The following CAMSAP1 variants were observed in gnomAD, a reference collection of about 807,000 sequenced individuals.
CAMSAP1 encodes the protein calmodulin-regulated spectrin-associated protein 1.
CAMSAP1 carries 58 observed loss-of-function variants against 143.5 expected under a neutral mutation model. That is an observed-to-expected ratio of 0.40 (90% CI 0.33 to 0.50). CAMSAP1 has a LOEUF of 0.50. Among genes scored for constraint, CAMSAP1 ranks in the 20% least tolerant of loss-of-function variants. CAMSAP1 has a pLI of 0.45. For missense variants in CAMSAP1, 1,969 were observed against 2,115.7 expected, an observed-to-expected ratio of 0.93 and a Z score of 1.36; for synonymous variants, 945 against 859.3, an observed-to-expected ratio of 1.10 and a Z score of -1.74.
intron 7 of CAMSAP1, among the ~76,000 whole-genome samples, chr9:135,838,239 T>G (rs1836180377): frequency 6.8e-6 from 1 of 147,392 alleles, no homozygotes; most frequent in Non-Finnish European, 1.5e-5. Context: ...CATCACGCAC[T>G]TTCCACCCAT....
chr9:135,824,307 T>A lies in CAMSAP1; in HGVS notation c.1316-273A>T, dbSNP rs1835593781. On this transcript the variant is annotated intron_variant, in intron 9 of 16. Transcript: ENST00000389532. The surrounding 1 kb of genome is among the most constrained non-coding windows in gnomAD (Gnocchi z 4.1). Reference sequence around the variant, plus strand: ...AGAAGGTAATTGCTCTCAACGATATTTTCACTGCAAGACTATACATTTTGA... The same window carrying A: ...AGAAGGTAATTGCTCTCAACGATATATTCACTGCAAGACTATACATTTTGA... 6.6e-6 allele frequency among the ~76,000 whole-genome samples: 1 copy of A among 152,212 alleles called. No homozygotes were observed. Among genetic ancestry groups the A allele is most frequent in the African/African-American group, 2.4e-5 (1 of 41,436 alleles).
intron 1 of CAMSAP1, 149 bp from the exon 2 acceptor site, chr9:135,883,227 G>T: frequency 1.2e-6 from 1 of 815,740 alleles, no homozygotes; most frequent in Non-Finnish European, 1.9e-6. Flanking sequence ...TTGATTGATT[G>T]ATTAAATGAG....
At chr9:135,833,517 G>T (rs145563564) in intron 7 of CAMSAP1, among the ~76,000 whole-genome samples, 1 of 151,854 alleles carries the variant, frequency 6.6e-6, no homozygotes, top group Non-Finnish European at 1.5e-5. Flanking sequence ...TGAGGTATAC[G>T]GTTAACTAAT....
At chr9:135,856,387 C>A (rs1836972836) in intron 5 of CAMSAP1, among the ~76,000 whole-genome samples, 1 of 152,098 alleles carries the variant, frequency 6.6e-6, no homozygotes, top group Admixed American at 6.6e-5. Context: ...GGGGAAACTG[C>A]CCCTGTGATT....
At chr9:135,875,158 G>T (rs1837697492) in intron 3 of CAMSAP1, among the ~76,000 whole-genome samples, 1 of 151,892 alleles carries the variant, frequency 6.6e-6, no homozygotes, top group Non-Finnish European at 1.5e-5. Context: ...AAGCTGACAA[G>T]CTGACTCTAA....
rs1254657899 is a variant in CAMSAP1 at position 135,882,455 on chromosome 9, T to G, written c.423+361A>C. Among the ~76,000 whole-genome samples the G allele has an allele frequency of 6.6e-6, 1 of 151,590 alleles. No individual in the cohort carries two copies. Among genetic ancestry groups the G allele is most frequent in the East Asian group, 1.9e-4 (1 of 5,140 alleles). On this transcript the variant is annotated intron_variant, in intron 2 of 16. Transcript: ENST00000389532. The surrounding 1 kb of genome is among the most constrained non-coding windows in gnomAD (Gnocchi z 4.9). ...TTGGGGGAGAAAAAGGCAGACTGAG[T>G]TATTTTAGCACAAAGTATGCATGAA...
In CAMSAP1 at chr9:135,824,645, C is replaced by T. The variant is rs1342545194; in HGVS notation, c.1315+144G>A. 3 of 643,676 alleles carry T rather than the reference C, an allele frequency of 4.7e-6. No homozygotes were observed. The highest frequency in any genetic ancestry group is 7.6e-6 in the Non-Finnish European group (3 of 393,394). The allele number at this position is 643,676 out of a possible 1,614,324, so 39.9% of individuals were successfully genotyped here. A position where few individuals can be genotyped will look rare whatever the true frequency, so the allele number is the denominator to read the frequency against. On this transcript the variant is annotated intron_variant, in intron 9 of 16. Transcript: ENST00000389532. This position sits in a 1 kb window ranked among gnomAD's most constrained non-coding sequence, Gnocchi z 4.1. Reference sequence around the variant, plus strand: ...GCGCCACAGCACTTCAGCCTGGTGACAGAGCAAGACTCCATCTCAAAAAAC... The same window carrying T: ...GCGCCACAGCACTTCAGCCTGGTGATAGAGCAAGACTCCATCTCAAAAAAC...
intron 10 of CAMSAP1, 44 bp downstream of exon 10, chr9:135,823,905 AT>A: frequency 6.7e-7 from 1 of 1,485,132 alleles, no homozygotes; most frequent in Non-Finnish European, 9.2e-7. Flanking sequence ...GCTGTTTAGT[AT>A]AAAAAACATT....
chr9:135,846,883 A>T (rs1344464991), intron 7 of CAMSAP1, among the ~76,000 whole-genome samples: 1 of 152,188 alleles, frequency 6.6e-6, no homozygotes, highest in African/African-American at 2.4e-5. Context: ...AGGCAACAAC[A>T]GATGCTAGAG....
At position 135,809,239 on chromosome 9, in the gene CAMSAP1, C is replaced by A. The variant is rs368472737; in HGVS notation, c.*2070G>T. On this transcript the variant is annotated 3_prime_UTR_variant, in exon 17 of 17. Coordinates refer to ENST00000389532, the MANE Select transcript of CAMSAP1 (RefSeq NM_015447.4). ...AGGGACGCTTCTGTCAATCATTAGGCGAACACTGGCCTGGGGACTTGGGAC... is the reference window on the plus strand; with the variant it reads ...AGGGACGCTTCTGTCAATCATTAGGAGAACACTGGCCTGGGGACTTGGGAC... The A allele has an allele frequency of 1.3e-5, 2 of 152,142 alleles. No individual in the cohort carries two copies. The highest frequency in any genetic ancestry group is 6.5e-5 in the Admixed American group (1 of 15,274). 9.4% of individuals were successfully genotyped at this position (152,142 alleles called of 1,614,324 possible).
intron 7 of CAMSAP1, among the ~76,000 whole-genome samples, chr9:135,835,927 G>A (rs1261578159): frequency 6.6e-6 from 1 of 152,120 alleles, no homozygotes; most frequent in Admixed American, 6.5e-5. Context: ...CTGCAGTGAG[G>A]TGAGATTGTG....
Position 135,907,021 on chromosome 9 carries a change from A to C in CAMSAP1, c.139T>G (p.Cys47Gly). ...AKIAANLQWI[C>G]AKAYGRDNIP... ...CCACCTCGGCCGTAGGCCTTGGCGCAGATCCACTGCAGGTTGGCGGCGATC... is the reference window on the plus strand; with the variant it reads ...CCACCTCGGCCGTAGGCCTTGGCGCCGATCCACTGCAGGTTGGCGGCGATC... The change falls in exon 1 of 17, where the codon TGC becomes GGC. Residue 47 changes from cysteine (C) to glycine (G), a missense_variant. Physicochemically the swap from Cys to Gly is radical, Grantham distance 159 (BLOSUM62 -3). Around this residue, in one of 4 missense-constraint regions of CAMSAP1, gnomAD observed 215 missense variants for 196.2 expected, o/e 1.10. Coordinates refer to ENST00000389532, the MANE Select transcript of CAMSAP1 (RefSeq NM_015447.4). 8.6e-7 allele frequency: 1 copy of C among 1,168,914 alleles called. No homozygotes were observed. The allele number at this position is 1,168,914 out of a possible 1,614,324, so 72.4% of individuals were successfully genotyped here.
At chr9:135,854,042 C>T (rs1836868260) in intron 5 of CAMSAP1, among the ~76,000 whole-genome samples, 1 of 152,260 alleles carries the variant, frequency 6.6e-6, no homozygotes, top group African/African-American at 2.4e-5. Context: ...TCATAGCCTA[C>T]TCAGTGTCAG....
At chr9:135,889,741 T>C (rs1480184309) in intron 1 of CAMSAP1, among the ~76,000 whole-genome samples, 2 of 152,194 alleles carry the variant, frequency 1.3e-5, no homozygotes, top group African/African-American at 4.8e-5. Flanking sequence ...TGAGCTCTTC[T>C]GAGAGGCCGT....
chr9:135,813,102 G>A (rs1835109390), intron 16 of CAMSAP1, among the ~76,000 whole-genome samples: 2 of 152,244 alleles, frequency 1.3e-5, no homozygotes, highest in African/African-American at 4.8e-5. Flanking sequence ...GGGAATGGGA[G>A]TGCACCTGGG....
chr9:135,898,939 A>G (rs1838534717), intron 1 of CAMSAP1, among the ~76,000 whole-genome samples: 2 of 152,224 alleles, frequency 1.3e-5, no homozygotes, highest in Non-Finnish European at 2.9e-5. Flanking sequence ...AAAGCTGGAA[A>G]TGCCCCCAGA....
chr9:135,876,527 G>GA (rs1380721148), intron 3 of CAMSAP1, among the ~76,000 whole-genome samples: 1 of 152,194 alleles, frequency 6.6e-6, no homozygotes, highest in Non-Finnish European at 1.5e-5. Flanking sequence ...TGGCTAAAGA[G>GA]AAAAGACGGA....
At chr9:135,885,991 G>C (rs1163725860) in intron 1 of CAMSAP1, among the ~76,000 whole-genome samples, 2 of 151,780 alleles carry the variant, frequency 1.3e-5, no homozygotes, top group African/African-American at 4.8e-5. Flanking sequence ...TTCAGTGAAA[G>C]CAACTACTGC....
Position 135,836,892 on chromosome 9 carries a change from G to T in CAMSAP1, c.1046-9308C>A, listed in dbSNP as rs201813126. 51 of 967,878 alleles carry T rather than the reference G, an allele frequency of 5.3e-5. No homozygotes were observed. In the East Asian group the frequency reaches 5.7e-3, roughly 108 times the overall value. The allele number at this position is 967,878 out of a possible 1,614,324, so 60.0% of individuals were successfully genotyped here. On this transcript the variant is annotated intron_variant, in intron 7 of 16. Transcript: ENST00000389532. ...ATTCTACAAACACGTCACCACACTT[G>T]CTACCCATTCTACAGACACACGTCA...
Sources: allele counts gnomAD v4.1 joint callset (sites outside exome capture counted in the v4.1 genomes callset), GRCh38; gene constraint gnomAD v4.1.1; regional missense constraint gnomAD v4.1.1; non-coding constraint Gnocchi (gnomAD v3.1); transcripts MANE v1.5; gene names NCBI Gene and HGNC (gene_info 2026-07-23, HGNC 2026-07-21).